NFE2L3: variants seen among roughly 807,000 people sequenced by gnomAD.
NFE2L3 encodes the protein nuclear factor erythroid 2-related factor 3.
In NFE2L3, 18 loss-of-function variants were observed where a neutral mutation model predicts 23.5. The ratio of observed to expected loss-of-function variants is 0.77; its 90% CI spans 0.53 to 1.13. NFE2L3 has a LOEUF of 1.13. Among genes scored for constraint, NFE2L3 ranks in the 50% most tolerant of loss-of-function variants. NFE2L3 has a pLI of 0.00. For synonymous variants in NFE2L3, 424 were observed against 354.5 expected, an observed-to-expected ratio of 1.20 and a Z score of -2.20; for missense variants, 1,152 against 877.2, an observed-to-expected ratio of 1.31 and a Z score of -3.96.
chr7:26,153,976 C>G (rs979417537), intron 1 of NFE2L3, among the ~76,000 whole-genome samples: 1 of 152,212 alleles, frequency 6.6e-6, no homozygotes, highest in Admixed American at 6.5e-5. Flanking sequence ...TGGTGATCAA[C>G]TAATGTTCTT....
intron 1 of NFE2L3, among the ~76,000 whole-genome samples, chr7:26,158,307 ACCTT>A (rs1402830168): frequency 2.6e-5 from 4 of 152,220 alleles, no homozygotes; most frequent in South Asian, 4.1e-4. Context: ...ATAAGGGTCT[ACCTT>A]CCTTCCTATC....
chr7:26,167,764 C>CT (rs1784273503), intron 1 of NFE2L3, among the ~76,000 whole-genome samples: 1 of 152,128 alleles, frequency 6.6e-6, no homozygotes, highest in South Asian at 2.1e-4. Flanking sequence ...GCTACTAGGG[C>CT]TAGCTGGTTT....
At chr7:26,178,574 G>A (rs1396792562) in intron 2 of NFE2L3, among the ~76,000 whole-genome samples, 1 of 152,200 alleles carries the variant, frequency 6.6e-6, no homozygotes, top group East Asian at 1.9e-4. Context: ...CTCCTGGCAG[G>A]CCTGGCTGAA....
At chr7:26,184,500 TC>T (rs1333105021) in intron 3 of NFE2L3, 32 bp from the exon 4 acceptor site, 1 of 1,569,994 alleles carries the variant, frequency 6.4e-7, no homozygotes, top group Non-Finnish European at 8.6e-7. Flanking sequence ...ATAGGGCTAT[TC>T]ATGTTTGAAG....
intron 3 of NFE2L3, 180 bp from the exon 4 acceptor site, chr7:26,184,353 A>G: frequency 1.8e-6 from 1 of 568,934 alleles, no homozygotes; most frequent in African/African-American, 1.9e-5. Flanking sequence ...AGGTATTCTG[A>G]TTTGGACTCA....
At chr7:26,182,473 A>T (rs917192724) in intron 2 of NFE2L3, among the ~76,000 whole-genome samples, 4 of 145,034 alleles carry the variant, frequency 2.8e-5, no homozygotes, top group African/African-American at 1.2e-4. Context: ...AAAATATAAA[A>T]ATTGGCCAGG....
chr7:26,169,086 G>A lies in NFE2L3; in HGVS notation c.571-8857G>A, dbSNP rs571471823. Among the ~76,000 whole-genome samples the A allele has an allele frequency of 5.9e-5, 9 of 152,280 alleles. No individual in the cohort carries two copies. The South Asian group carries it at 1.7e-3, about 28-fold the overall frequency. On this transcript the variant is annotated intron_variant, in intron 1 of 3. Transcript: ENST00000056233. ...CACTTGATTCTAGCCAAAAGGCCAA[G>A]AAGCAATTGCAAATTATATTACAAA...
At chr7:26,157,996 G>A (rs779296802) in intron 1 of NFE2L3, among the ~76,000 whole-genome samples, 2 of 152,092 alleles carry the variant, frequency 1.3e-5, no homozygotes, top group Non-Finnish European at 2.9e-5. Context: ...TTCTCCCTAT[G>A]TGCATGTCTG....
intron 3 of NFE2L3, 61 bp downstream of exon 3, chr7:26,183,845 C>G: frequency 1.9e-6 from 2 of 1,026,330 alleles, no homozygotes; most frequent in Non-Finnish European, 3.1e-6. Context: ...TTTTGGTGAA[C>G]AAATACAACT....
At chr7:26,156,419 A>C (rs575644061) in intron 1 of NFE2L3, among the ~76,000 whole-genome samples, 26 of 152,162 alleles carry the variant, frequency 1.7e-4, no homozygotes, top group Non-Finnish European at 2.8e-4. Flanking sequence ...ATTTATGTAC[A>C]TATGCAAAAA....
chr7:26,184,215 C>T (rs1053893790), intron 3 of NFE2L3: 1 of 344,904 alleles, frequency 2.9e-6, no homozygotes, highest in Non-Finnish European at 5.3e-6. Context: ...ATGTGATTAC[C>T]AACCGCTAGG....
intron 1 of NFE2L3, chr7:26,173,534 C>T (rs1027717749): frequency 2.0e-5 from 3 of 152,132 alleles, no homozygotes; most frequent in African/African-American, 4.8e-5. Context: ...TTAGCTGCCT[C>T]GGGTATCCAA....
At chr7:26,182,569 A>G (rs1374620260) in intron 2 of NFE2L3, among the ~76,000 whole-genome samples, 2 of 145,070 alleles carry the variant, frequency 1.4e-5, no homozygotes, top group Non-Finnish European at 2.9e-5. Context: ...CGGAGATTGC[A>G]GTGAGCTGAG....
At chr7:26,166,732 CTT>C (rs1385635691) in intron 1 of NFE2L3, among the ~76,000 whole-genome samples, 2 of 152,242 alleles carry the variant, frequency 1.3e-5, no homozygotes, top group East Asian at 3.8e-4. Context: ...CACAGTCTCT[CTT>C]TATCTGGCTC....
chr7:26,157,719 AAAGGATGTCAT>A (rs1441864189), intron 1 of NFE2L3, among the ~76,000 whole-genome samples: 3 of 152,212 alleles, frequency 2.0e-5, no homozygotes, highest in African/African-American at 7.2e-5. Context: ...TTTGTATGGG[AAAGGATGTCAT>A]AAGTTACTGT....
chr7:26,175,853 C>CTTT (rs70943276), intron 1 of NFE2L3, among the ~76,000 whole-genome samples: 8 of 111,648 alleles, frequency 7.2e-5, no homozygotes, highest in East Asian at 2.6e-4. Context: ...ATTTTCTTTT[C>CTTT]TTTTTTTTTT....
chr7:26,185,630 T>G lies in NFE2L3; in HGVS notation c.1932T>G (p.Asp644Glu). Residue 644 changes from aspartate to glutamate, a missense_variant, in exon 4 of 4, where the codon GAT becomes GAG. Coordinates refer to ENST00000056233, the MANE Select transcript of NFE2L3 (RefSeq NM_004289.7). ...AGAAACTGCATGACCTTTATCATGA[T>G]ATTTTTAGTAGATTAAGAGATGACC... ...MKQKLHDLYH[D>E]IFSRLRDDQG... 1 of 1,613,902 alleles carries G rather than the reference T, an allele frequency of 6.2e-7. No individual in the cohort carries two copies. Among genetic ancestry groups the G allele is most frequent in the Non-Finnish European group, 8.5e-7 (1 of 1,179,826 alleles).
chr7:26,152,320 C>A lies in NFE2L3; in HGVS notation c.-179C>A. ...GGCACGGTGCCGGCTGCCGAGGGAA[C>A]GCCTTTGTGCCCGGTGCTGGGAACC... On this transcript the variant is annotated 5_prime_UTR_variant, in exon 1 of 4. Transcript: ENST00000056233. This position sits in a 1 kb window ranked among gnomAD's most constrained non-coding sequence, Gnocchi z 4.4. The A allele has an allele frequency of 3.2e-6, 1 of 311,310 alleles. No individual in the cohort carries two copies. The allele number at this position is 311,310 out of a possible 1,614,324, so 19.3% of individuals were successfully genotyped here.
chr7:26,166,719 G>A (rs145140982), intron 1 of NFE2L3, among the ~76,000 whole-genome samples: 59 of 152,296 alleles, frequency 3.9e-4, no homozygotes, highest in Middle Eastern at 6.8e-3. Flanking sequence ...AGGCCAAACA[G>A]GACACAGTCT....
Sources: allele counts gnomAD v4.1 joint callset (sites outside exome capture counted in the v4.1 genomes callset), GRCh38; gene constraint gnomAD v4.1.1; non-coding constraint Gnocchi (gnomAD v3.1); transcripts MANE v1.5; gene names NCBI Gene and HGNC (gene_info 2026-07-23, HGNC 2026-07-21).